Variants in CSNK1G3 observed in about 807,000 individuals in gnomAD.
The protein encoded by CSNK1G3 is casein kinase 1 gamma 3, also known as casein kinase I isoform gamma-3.
A neutral mutation model predicts 64.3 loss-of-function variants in CSNK1G3; 23 were observed. The ratio of observed to expected loss-of-function variants is 0.36; its 90% CI spans 0.26 to 0.51. CSNK1G3 has a LOEUF of 0.51. CSNK1G3 is among the 20% of genes least tolerant of loss of function. The pLI is 0.96. For missense variants in CSNK1G3, 357 were observed against 510.5 expected, an observed-to-expected ratio of 0.70 and a Z score of 2.90; for synonymous variants, 158 against 162.2, an observed-to-expected ratio of 0.97 and a Z score of 0.20.
chr5:123,580,290 G>A (rs1411662255), intron 6 of CSNK1G3, among the ~76,000 whole-genome samples: 2 of 151,830 alleles, frequency 1.3e-5, no homozygotes, highest in African/African-American at 2.4e-5. Flanking sequence ...TTGGTCAAAG[G>A]AACATTATAT....
At chr5:123,561,963 T>C (rs980349757) in intron 4 of CSNK1G3, among the ~76,000 whole-genome samples, 8 of 152,164 alleles carry the variant, frequency 5.3e-5, no homozygotes, top group Non-Finnish European at 1.0e-4. Context: ...CCATTGTTAC[T>C]TTTCTTCGAA....
intron 4 of CSNK1G3, among the ~76,000 whole-genome samples, chr5:123,569,085 G>A (rs925107341): frequency 7.2e-5 from 11 of 152,138 alleles, no homozygotes; most frequent in African/African-American, 2.2e-4. Flanking sequence ...GGATTTTTAG[G>A]TAGCTGCCAA....
chr5:123,565,427 T>TA (rs567461127), intron 4 of CSNK1G3, among the ~76,000 whole-genome samples: 1 of 151,898 alleles, frequency 6.6e-6, no homozygotes, highest in Non-Finnish European at 1.5e-5. Flanking sequence ...AAAATTACCC[T>TA]AAAAAAAAGA....
At chr5:123,603,661 G>A (rs998169316) in intron 10 of CSNK1G3, among the ~76,000 whole-genome samples, 2 of 152,090 alleles carry the variant, frequency 1.3e-5, no homozygotes, top group African/African-American at 4.8e-5. Context: ...CTGTGTGATA[G>A]AAAAGGCCTG....
chr5:123,612,669 G>A (rs1796543559), intron 12 of CSNK1G3, among the ~76,000 whole-genome samples: 2 of 151,764 alleles, frequency 1.3e-5, no homozygotes, highest in Non-Finnish European at 2.9e-5. Context: ...GTAGAGACAG[G>A]GTTTTACCAT....
At chr5:123,606,626 C>A (rs1325123254) in intron 12 of CSNK1G3, among the ~76,000 whole-genome samples, 1 of 152,154 alleles carries the variant, frequency 6.6e-6, no homozygotes, top group Admixed American at 6.6e-5. Context: ...CTATTTATTT[C>A]TTCTCTTCCA....
intron 4 of CSNK1G3, among the ~76,000 whole-genome samples, chr5:123,565,794 A>C (rs1324478264): frequency 1.3e-5 from 2 of 152,098 alleles, no homozygotes; most frequent in African/African-American, 4.8e-5. Context: ...AGCAAGAGAG[A>C]GAGAAAGTGA....
exon 11 of CSNK1G3, chr5:123,604,762 C>A (rs373278640): frequency 1.2e-6 from 2 of 1,611,362 alleles, no homozygotes; most frequent in East Asian, 2.2e-5. Flanking sequence ...ACACAGATGA[C>A]CCCACCGCAG....
chr5:123,536,450 A>T (rs1378805464), intron 1 of CSNK1G3, among the ~76,000 whole-genome samples: 1 of 150,808 alleles, frequency 6.6e-6, no homozygotes, highest in Non-Finnish European at 1.5e-5. Context: ...TAAAAAAAAA[A>T]GCTTCTTAAA....
chr5:123,613,219 A>AT (rs373616586), intron 12 of CSNK1G3, among the ~76,000 whole-genome samples: 281 of 148,104 alleles, frequency 1.9e-3, no homozygotes, highest in African/African-American at 6.9e-3. Context: ...CAGATCAGTG[A>AT]TTTTTTCAGT....
chr5:123,574,578 G>C (rs1788777673), intron 5 of CSNK1G3, among the ~76,000 whole-genome samples: 1 of 151,882 alleles, frequency 6.6e-6, no homozygotes, highest in East Asian at 1.9e-4. Context: ...CCAGCACTTT[G>C]GGGAGTCTGA....
intron 10 of CSNK1G3, among the ~76,000 whole-genome samples, chr5:123,602,405 G>C (rs1561615849): frequency 6.6e-6 from 1 of 152,092 alleles, no homozygotes; most frequent in Non-Finnish European, 1.5e-5. Flanking sequence ...GCTTACTTTG[G>C]TATTCCAAAT....
intron 6 of CSNK1G3, among the ~76,000 whole-genome samples, chr5:123,587,794 T>G (rs1245594583): frequency 6.6e-6 from 1 of 152,214 alleles, no homozygotes; most frequent in Non-Finnish European, 1.5e-5. Flanking sequence ...CCCCGTGGCC[T>G]GTACTTCCAT....
At chr5:123,583,047 A>G (rs927883431) in intron 6 of CSNK1G3, among the ~76,000 whole-genome samples, 8 of 152,184 alleles carry the variant, frequency 5.3e-5, no homozygotes, top group African/African-American at 1.7e-4. Flanking sequence ...TGATAGAACC[A>G]TGTAGGCGAG....
intron 12 of CSNK1G3, among the ~76,000 whole-genome samples, chr5:123,608,577 C>T (rs552057580): frequency 2.6e-5 from 4 of 152,042 alleles, no homozygotes; most frequent in South Asian, 2.1e-4. Flanking sequence ...CAACATTTAC[C>T]GAACAGATTA....
intron 1 of CSNK1G3, among the ~76,000 whole-genome samples, chr5:123,544,572 A>G (rs377387962): frequency 6.6e-6 from 1 of 152,314 alleles, no homozygotes; most frequent in East Asian, 1.9e-4. Flanking sequence ...AGCCCACTCA[A>G]TTTGTTCAAA....
At chr5:123,577,933 G>C (rs1478324951) in intron 6 of CSNK1G3, among the ~76,000 whole-genome samples, 1 of 151,840 alleles carries the variant, frequency 6.6e-6, no homozygotes, top group Non-Finnish European at 1.5e-5. Flanking sequence ...CACAACAGAT[G>C]AGTTTTGCTG....
At chr5:123,611,514 A>G (rs1373320712) in intron 12 of CSNK1G3, among the ~76,000 whole-genome samples, 4 of 152,202 alleles carry the variant, frequency 2.6e-5, no homozygotes, top group Non-Finnish European at 5.9e-5. Context: ...ACTTAAGTGT[A>G]AAGAACTCAA....
intron 5 of CSNK1G3, 78 bp from the exon 6 acceptor site, chr5:123,575,651 C>T (rs1314737994): frequency 2.6e-6 from 2 of 777,860 alleles, no homozygotes; most frequent in Non-Finnish European, 4.3e-6. Flanking sequence ...TGTTTTCATT[C>T]TGTCTTGCCT....
Sources: gnomAD v4.1 joint callset for allele counts (sites outside exome capture counted in the v4.1 genomes callset) on GRCh38, gnomAD v4.1.1 for gene constraint, MANE v1.5 for transcripts, NCBI Gene and HGNC (gene_info 2026-07-23, HGNC 2026-07-21) for gene names.